LINGO2: variants seen among roughly 807,000 people sequenced by gnomAD.
LINGO2 encodes leucine-rich repeat and immunoglobulin-like domain-containing nogo receptor-interacting protein 2.
Under a neutral mutation model 30.6 loss-of-function variants are expected in LINGO2, and 14 were observed. The observed-to-expected ratio is 0.46, with a 90% CI of 0.30 to 0.72. LINGO2 has a LOEUF of 0.72. LINGO2 is among the 30% of genes least tolerant of loss of function. LINGO2 has a pLI of 0.07. For missense variants in LINGO2, 729 were observed against 751.7 expected, an observed-to-expected ratio of 0.97 and a Z score of 0.35; for synonymous variants, 317 against 288.5, an observed-to-expected ratio of 1.10 and a Z score of -1.00.
the LINGO2 span, among the ~76,000 whole-genome samples, chr9:28,863,894 T>A: frequency 6.6e-6 from 1 of 152,142 alleles, no homozygotes; most frequent in Non-Finnish European, 1.5e-5. Context: ...AACTTAAAAA[T>A]AAATGCATGC....
the LINGO2 span, among the ~76,000 whole-genome samples, chr9:29,159,298 A>T: frequency 2.6e-5 from 4 of 152,164 alleles, no homozygotes; most frequent in Admixed American, 1.3e-4. Flanking sequence ...ACGGTTACCT[A>T]CTTACTAAGC....
At chr9:28,485,165 G>A (rs1349918026) in intron 1 of LINGO2, among the ~76,000 whole-genome samples, 2 of 152,082 alleles carry the variant, frequency 1.3e-5, no homozygotes, top group African/African-American at 4.8e-5. Flanking sequence ...TCCTGTCTTT[G>A]ATTACAATTT....
upstream of LINGO2, among the ~76,000 whole-genome samples, chr9:28,670,899 C>T (rs552368126): frequency 6.6e-6 from 1 of 152,078 alleles, no homozygotes; most frequent in South Asian, 2.1e-4. Flanking sequence ...GCTAAAATAA[C>T]AAGATACTAT....
intron 2 of LINGO2, among the ~76,000 whole-genome samples, chr9:28,434,360 A>AG (rs1823827487): frequency 6.6e-6 from 1 of 151,274 alleles, no homozygotes; most frequent in Non-Finnish European, 1.5e-5. Flanking sequence ...AAAAAAAAAA[A>AG]AGAGAGAAGA....
At chr9:29,073,160 A>G in the LINGO2 span, among the ~76,000 whole-genome samples, 3 of 152,112 alleles carry the variant, frequency 2.0e-5, no homozygotes, top group Admixed American at 2.0e-4. Context: ...GAAAAGAAAA[A>G]AATATATGTA....
rs79846125 is a variant in LINGO2, at chr9:28,537,768, T to G, written c.-364-61743A>C. On this transcript the variant is annotated intron_variant, in intron 1 of 5. Transcript: ENST00000379992. Reference sequence around the variant, plus strand: ...TTCTATAACAATAGAATAGAGAGAATAGGGGAAAAGAGGCAATATTCAAAG... The same window carrying G: ...TTCTATAACAATAGAATAGAGAGAAGAGGGGAAAAGAGGCAATATTCAAAG... Among the ~76,000 whole-genome samples, 530 of 150,824 alleles carry G rather than the reference T, an allele frequency of 3.5e-3. 2 individuals are homozygous for G. The highest frequency in any genetic ancestry group is 0.012 in the African/African-American group (484 of 41,090).
At chr9:28,993,730 G>A in the LINGO2 span, among the ~76,000 whole-genome samples, 3 of 148,324 alleles carry the variant, frequency 2.0e-5, no homozygotes, top group Non-Finnish European at 4.5e-5. Context: ...ATCAATAAAT[G>A]TAATCGAGCA....
chr9:29,118,730 G>A, the LINGO2 span, among the ~76,000 whole-genome samples: 1 of 152,108 alleles, frequency 6.6e-6, no homozygotes, highest in Non-Finnish European at 1.5e-5. Flanking sequence ...GACCTGGGAG[G>A]AGTCATGCTC....
At chr9:28,235,312 T>G (rs1461736560) in intron 4 of LINGO2, among the ~76,000 whole-genome samples, 1 of 152,140 alleles carries the variant, frequency 6.6e-6, no homozygotes, top group Non-Finnish European at 1.5e-5. Flanking sequence ...AACCACAGTA[T>G]TATTTGTTTT....
At chr9:28,890,195 TTTTTGTTTTGTTTTG>T in the LINGO2 span, among the ~76,000 whole-genome samples, 1 of 150,982 alleles carries the variant, frequency 6.6e-6, no homozygotes, top group Non-Finnish European at 1.5e-5. Context: ...TTTTCTTGGT[TTTTTGTTTTGTTTTG>T]TTTTGTTTTG....
the LINGO2 span, among the ~76,000 whole-genome samples, chr9:29,055,659 C>T: frequency 2.6e-5 from 4 of 152,082 alleles, no homozygotes; most frequent in Non-Finnish European, 5.9e-5. Context: ...TTGGTGCACC[C>T]ACCACCCAAG....
intron 4 of LINGO2, among the ~76,000 whole-genome samples, chr9:28,021,186 G>T (rs1823102653): frequency 6.6e-6 from 1 of 151,690 alleles, no homozygotes. Flanking sequence ...TCTAAGGACT[G>T]ATTTTTCTGT....
At chr9:27,966,009 C>T (rs1820082403) in intron 5 of LINGO2, among the ~76,000 whole-genome samples, 1 of 152,018 alleles carries the variant, frequency 6.6e-6, no homozygotes. Context: ...ATTAACTATC[C>T]TACAGGGTTA....
the LINGO2 span, among the ~76,000 whole-genome samples, chr9:28,701,751 T>C: frequency 6.6e-6 from 1 of 151,994 alleles, no homozygotes; most frequent in African/African-American, 2.4e-5. Context: ...CTTGACAATA[T>C]TGAGTCATCC....
At chr9:28,899,110 T>A in the LINGO2 span, among the ~76,000 whole-genome samples, 2 of 152,142 alleles carry the variant, frequency 1.3e-5, no homozygotes, top group East Asian at 1.9e-4. Context: ...GATTATAGCA[T>A]CTGGGTATAT....
intron 4 of LINGO2, among the ~76,000 whole-genome samples, chr9:28,036,455 A>G (rs773213022): frequency 2.0e-5 from 3 of 151,724 alleles, no homozygotes; most frequent in Non-Finnish European, 2.9e-5. Flanking sequence ...AAAACCAGGA[A>G]GATTTAAGTT....
At chr9:28,709,472 G>T in the LINGO2 span, among the ~76,000 whole-genome samples, 1 of 151,876 alleles carries the variant, frequency 6.6e-6, no homozygotes, top group Admixed American at 6.6e-5. Flanking sequence ...GGATGTATTT[G>T]GGGGGAAAAT....
At chr9:28,732,515 A>C in the LINGO2 span, among the ~76,000 whole-genome samples, 1 of 152,166 alleles carries the variant, frequency 6.6e-6, no homozygotes, top group African/African-American at 2.4e-5. Flanking sequence ...AATACGATAA[A>C]ATTGATGATA....
At chr9:29,100,198 T>C in the LINGO2 span, among the ~76,000 whole-genome samples, 2 of 152,116 alleles carry the variant, frequency 1.3e-5, no homozygotes, top group African/African-American at 2.4e-5. Context: ...CTCGTGGATA[T>C]AGAGAATAGA....
Sources: allele counts gnomAD v4.1 joint callset (sites outside exome capture counted in the v4.1 genomes callset), GRCh38; gene constraint gnomAD v4.1.1; transcripts MANE v1.5; gene names NCBI Gene and HGNC (gene_info 2026-07-23, HGNC 2026-07-21).